SCO1: variants seen among roughly 807,000 people sequenced by gnomAD.
The protein encoded by SCO1 is cytochrome c oxidase assembly factor SCO1.
Under a neutral mutation model 34.0 loss-of-function variants are expected in SCO1, and 23 were observed. The observed-to-expected ratio is 0.68, with a 90% confidence interval of 0.49 to 0.96. The LOEUF (loss-of-function observed/expected upper bound fraction) is 0.96. Ranked by LOEUF, SCO1 falls within the 40% of genes least tolerant of loss-of-function variation. The pLI, the probability that SCO1 is intolerant of heterozygous loss-of-function variation, is 0.00. For synonymous variants in SCO1, 161 were observed against 145.5 expected (o/e 1.11, Z -0.77); for missense variants, 404 against 381.6 (o/e 1.06, Z -0.49).
rs1235405216 is a variant in SCO1, at chr17:10,675,892, C to G, written c.*5227G>C. On this transcript the variant is annotated 3_prime_UTR_variant, in exon 6 of 6. Transcript: ENST00000255390. ...GTGTCTTCCTTGAACTGGGTGCAAA[C>G]ATGGACAAAGTCACATGTATGACAT... 1 of 152,104 alleles carries G rather than the reference C, an allele frequency of 6.6e-6. No homozygotes were observed. Among genetic ancestry groups the G allele is most frequent in the Non-Finnish European group, 1.5e-5 (1 of 68,034 alleles). 9.4% of individuals were successfully genotyped at this position (152,104 alleles called of 1,614,324 possible). A position where few individuals can be genotyped will look rare whatever the true frequency, so the allele number is the denominator to read the frequency against.
intron 3 of SCO1, 76 bp from the exon 4 acceptor site, chr17:10,692,040 T>C: frequency 9.7e-7 from 1 of 1,027,610 alleles, no homozygotes; most frequent in Non-Finnish European, 1.5e-6. Context: ...AACAGGAGAG[T>C]ATAGGACGTG....
At position 10,677,873 on chromosome 17, in the gene SCO1, T is replaced by C. The variant is rs1012090248; in HGVS notation, c.*3246A>G. On this transcript the variant is annotated 3_prime_UTR_variant, in exon 6 of 6. Coordinates refer to ENST00000255390, the MANE Select transcript of SCO1 (RefSeq NM_004589.4). Reference sequence around the variant, plus strand: ...GGCTCACACCTGTAATCCCAGCACTTTGGGAGGCCGAGGCGGCGGATCACC... The same window carrying C: ...GGCTCACACCTGTAATCCCAGCACTCTGGGAGGCCGAGGCGGCGGATCACC... The C allele has an allele frequency of 6.6e-6, 1 of 152,270 alleles. No individual in the cohort carries two copies. The highest frequency in any genetic ancestry group is 1.5e-5 in the Non-Finnish European group (1 of 68,108). The allele number at this position is 152,270 out of a possible 1,614,324, so 9.4% of individuals were successfully genotyped here.
rs116282370 is a variant in SCO1, at chr17:10,672,848, T to A, written c.*8271A>T. Reference sequence around the variant, plus strand: ...ATAGATTCTGTGTGGTTATTGTGAATTTAGTAATTTTTAAATACAGTAGGC... The same window carrying A: ...ATAGATTCTGTGTGGTTATTGTGAAATTAGTAATTTTTAAATACAGTAGGC... On this transcript the variant is annotated 3_prime_UTR_variant, in exon 6 of 6. Transcript: ENST00000255390. The A allele has an allele frequency of 3.2e-3, 495 of 152,344 alleles. No homozygotes were observed. The highest frequency in any genetic ancestry group is 0.011 in the African/African-American group (465 of 41,580). 9.4% of individuals were successfully genotyped at this position (152,344 alleles called of 1,614,324 possible).
chr17:10,675,191 C>T lies in SCO1; in HGVS notation c.*5928G>A, dbSNP rs2074572600. ...GGTGAGAAGACACTGTCTCTGGGGC[C>T]TAAGTGTGGCTACTCTGCTCTGCCA... On this transcript the variant is annotated 3_prime_UTR_variant, in exon 6 of 6. Coordinates refer to ENST00000255390, the MANE Select transcript of SCO1 (RefSeq NM_004589.4). The T allele has an allele frequency of 6.6e-6, 1 of 152,228 alleles. No homozygotes were observed. The highest frequency in any genetic ancestry group is 2.4e-5 in the African/African-American group (1 of 41,438). The allele number at this position is 152,228 out of a possible 1,614,324, so 9.4% of individuals were successfully genotyped here. A position where few individuals can be genotyped will look rare whatever the true frequency, so the allele number is the denominator to read the frequency against.
chr17:10,693,472 A>G (rs776450025), intron 2 of SCO1, among the ~76,000 whole-genome samples: 4 of 152,218 alleles, frequency 2.6e-5, no homozygotes, highest in Admixed American at 6.5e-5. Flanking sequence ...CTATGGAGAG[A>G]AAGAGAGCTA....
Position 10,678,498 on chromosome 17 carries a change from G to T in SCO1, c.*2621C>A, listed in dbSNP as rs72818745. On this transcript the variant is annotated 3_prime_UTR_variant, in exon 6 of 6. Coordinates refer to ENST00000255390, the MANE Select transcript of SCO1 (RefSeq NM_004589.4). ...ACAAGCCTTAACCTGCAACAGCTGA[G>T]AACGAAGACTGAATCTTATCTAAGA... The T allele has an allele frequency of 6.6e-6, 1 of 152,202 alleles. No individual in the cohort carries two copies. Among genetic ancestry groups the T allele is most frequent in the African/African-American group, 2.4e-5 (1 of 41,436 alleles). The allele number at this position is 152,202 out of a possible 1,614,324, so 9.4% of individuals were successfully genotyped here.
intron 4 of SCO1, among the ~76,000 whole-genome samples, chr17:10,688,429 C>A (rs2074670128): frequency 6.6e-6 from 1 of 151,982 alleles, no homozygotes; most frequent in Non-Finnish European, 1.5e-5. Context: ...AAATGTATGC[C>A]AAAACCACAA....
At position 10,679,981 on chromosome 17, in the gene SCO1, A is replaced by G. The variant is rs1376997921; in HGVS notation, c.*1138T>C. The G allele has an allele frequency of 2.1e-5, 3 of 140,756 alleles. No individual in the cohort carries two copies. The highest frequency in any genetic ancestry group is 4.5e-4 in the South Asian group (2 of 4,444). 8.7% of individuals were successfully genotyped at this position (140,756 alleles called of 1,614,324 possible). ...GGGGGCGGGGGGGGGGGGTCTCACT[A>G]TGTTGCCCAGGCTTGTCTTGAATAC... On this transcript the variant is annotated 3_prime_UTR_variant, in exon 6 of 6. Coordinates refer to ENST00000255390, the MANE Select transcript of SCO1 (RefSeq NM_004589.4).
At chr17:10,695,515 G>A (rs113168420) in intron 2 of SCO1, 59 of 492,648 alleles carry the variant, frequency 1.2e-4, no homozygotes, top group African/African-American at 9.3e-4. Context: ...TTTAATAGTT[G>A]TGTGCCATTT....
chr17:10,685,647 T>C (rs1050752471), intron 5 of SCO1, among the ~76,000 whole-genome samples: 4 of 152,358 alleles, frequency 2.6e-5, no homozygotes, highest in African/African-American at 7.2e-5. Context: ...AAACCTTTCA[T>C]CTTTTGCTTT....
intron 4 of SCO1, among the ~76,000 whole-genome samples, chr17:10,689,419 T>TAATA (rs571837305): frequency 0.04 from 6,065 of 152,252 alleles, 385 homozygotes; most frequent in African/African-American, 0.13. Context: ...ATGTGTCATA[T>TAATA]AATATAAATA....
At position 10,692,963 on chromosome 17, in the gene SCO1, T is replaced by C; in HGVS notation, c.365-2A>G. The C allele has an allele frequency of 6.2e-7, 1 of 1,613,940 alleles. No homozygotes were observed. The highest frequency in any genetic ancestry group is 2.2e-5 in the East Asian group (1 of 44,868). On this transcript the variant is annotated splice_acceptor_variant, in intron 2 of 5. Transcript: ENST00000255390. LOFTEE classifies it high-confidence loss of function. ...GTCGCTGCCGTTCCTTCTCTAACTC[T>C]TAAGGAGACAAAAACATATCGACAC...
chr17:10,695,529 A>AAAATTTAATTTTAAAT (rs2074715798), intron 2 of SCO1: 1 of 514,216 alleles, frequency 1.9e-6, no homozygotes, highest in Non-Finnish European at 3.5e-6. Flanking sequence ...GCCATTTAAA[A>AAAATTTAATTTTAAAT]TTTCTTAGTC....
chr17:10,697,442 G>A lies in SCO1; in HGVS notation c.66C>T (p.Phe22=), dbSNP rs780618786. 2.5e-6 allele frequency: 4 copies of A among 1,612,850 alleles called. No homozygotes were observed. Among genetic ancestry groups the A allele is most frequent in the South Asian group, 2.2e-5 (2 of 90,908 alleles). Reference sequence around the variant, plus strand: ...CCCAAAACTCGAGTCCGCGAGGCAAGAAGCGCCAAAGTTGGCCACCCAGAG... The same window carrying A: ...CCCAAAACTCGAGTCCGCGAGGCAAAAAGCGCCAAAGTTGGCCACCCAGAG... ...MRPLGGQLWR[F]LPRGLEFWGP... is the part of the protein sequence containing the mutation. The change falls in exon 1 of 6, where the codon TTC becomes TTT. Residue 22 remains phenylalanine, a synonymous_variant. Coordinates refer to ENST00000255390, the MANE Select transcript of SCO1 (RefSeq NM_004589.4).
intron 5 of SCO1, among the ~76,000 whole-genome samples, chr17:10,685,941 C>A (rs554382141): frequency 2.1e-3 from 315 of 152,298 alleles, no homozygotes; most frequent in Non-Finnish European, 3.8e-3. Flanking sequence ...TAAAAAACTG[C>A]TTCTGGCTGG....
chr17:10,695,891 C>T (rs2074719906), intron 1 of SCO1, 60 bp from the exon 2 acceptor site: 1 of 1,268,438 alleles, frequency 7.9e-7, no homozygotes, highest in South Asian at 1.2e-5. Context: ...TTTAACCATA[C>T]AAACTTATTA....
chr17:10,687,125 G>A (rs2074661719), intron 4 of SCO1, among the ~76,000 whole-genome samples: 1 of 152,042 alleles, frequency 6.6e-6, no homozygotes. Context: ...TGATTTTTAA[G>A]GAGTAGTCAC....
chr17:10,681,182 C>G lies in SCO1; in HGVS notation c.843G>C (p.Lys281Asn). The G allele has an allele frequency of 6.2e-7, 1 of 1,614,164 alleles. No individual in the cohort carries two copies. The highest frequency in any genetic ancestry group is 2.2e-5 in the East Asian group (1 of 44,886). The change falls in exon 6 of 6, where the codon AAG becomes AAC. Residue 281 changes from lysine to asparagine, a missense_variant. Transcript: ENST00000255390. ...TTGAAGCAGCTATTTCTCCCTTCCT[C>G]TTGTTCTGGCCAAAATAATCTAGAA... is the stretch of plus-strand genomic sequence containing the variant. ...GEFLDYFGQN[K>N]RKGEIAASIA... is the part of the protein sequence containing the mutation.
At position 10,692,910 on chromosome 17, in the gene SCO1, G is replaced by C; in HGVS notation, c.416C>G (p.Pro139Arg). 1 of 1,613,992 alleles carries C rather than the reference G, an allele frequency of 6.2e-7. No individual in the cohort carries two copies. Among genetic ancestry groups the C allele is most frequent in the Non-Finnish European group, 8.5e-7 (1 of 1,179,990 alleles). The change falls in exon 3 of 6, where the codon CCG becomes CGG. Residue 139 changes from proline to arginine, a missense_variant. Physicochemically the swap from Pro to Arg is moderately radical, Grantham distance 103. Transcript: ENST00000255390. ...RHIGKPLLGG[P>R]FSLTTHTGER... ...CCCAGTATGAGTTGTGAGGGAAAAC[G>C]GTCCCCCAAGTAAAGGCTTGCCGAT...
Sources: gnomAD v4.1 joint callset for allele counts (sites outside exome capture counted in the v4.1 genomes callset) on GRCh38, gnomAD v4.1.1 for gene constraint, MANE v1.5 for transcripts, NCBI Gene and HGNC (gene_info 2026-07-23, HGNC 2026-07-21) for gene names.